NRG1: variants seen among roughly 807,000 people sequenced by gnomAD.
NRG1 encodes pro-neuregulin-1, membrane-bound isoform.
Under a neutral mutation model 63.8 loss-of-function variants are expected in NRG1, and 18 were observed. That is an observed-to-expected ratio of 0.28 (90% confidence interval 0.19 to 0.42). The LOEUF is 0.42. Ranked by LOEUF, NRG1 falls within the 10% of genes least tolerant of loss-of-function variation. The pLI is 1.00. For missense variants in NRG1, 762 were observed against 814.7 expected, an observed-to-expected ratio of 0.94 and a Z score of 0.79; for synonymous variants, 302 against 301.3, an observed-to-expected ratio of 1.00 and a Z score of -0.02.
downstream of NRG1, among the ~76,000 whole-genome samples, chr8:32,772,041 G>GTA (rs1157977487): frequency 0.043 from 442 of 10,348 alleles, 3 homozygotes; most frequent in Non-Finnish European, 0.077. Flanking sequence ...AAAAAAATAT[G>GTA]TATATATATA....
chr8:32,715,084 G>A (rs761684153), intron 5 of NRG1, among the ~76,000 whole-genome samples: 14 of 152,080 alleles, frequency 9.2e-5, no homozygotes, highest in South Asian at 2.1e-4. Context: ...AGTTTCCCAA[G>A]TAGCTGGGAC....
At chr8:32,311,960 C>G (rs1464108182) in intron 1 of NRG1, among the ~76,000 whole-genome samples, 2 of 152,060 alleles carry the variant, frequency 1.3e-5, no homozygotes, top group African/African-American at 4.8e-5. Flanking sequence ...TCTTTTTTCT[C>G]TATTTCATGG....
chr8:32,520,320 C>A (rs35362985), intron 1 of NRG1, among the ~76,000 whole-genome samples: 7,995 of 151,262 alleles, frequency 0.053, 285 homozygotes, highest in Middle Eastern at 0.086. Flanking sequence ...CCTTGTCCAG[C>A]TACTTTTTTT....
chr8:32,381,988 T>C (rs1246514057), intron 1 of NRG1, among the ~76,000 whole-genome samples: 3 of 152,216 alleles, frequency 2.0e-5, no homozygotes, highest in Admixed American at 2.0e-4. Context: ...AACTATTATA[T>C]GGTATTTTCA....
chr8:32,083,457 G>A (rs1827783262), intron 1 of NRG1, among the ~76,000 whole-genome samples: 1 of 152,122 alleles, frequency 6.6e-6, no homozygotes, highest in Non-Finnish European at 1.5e-5. Flanking sequence ...TAGGTAAAAT[G>A]AATGGTGGAT....
chr8:31,646,213 T>G (rs575240182), intron 1 of NRG1, among the ~76,000 whole-genome samples: 5 of 152,242 alleles, frequency 3.3e-5, no homozygotes, highest in Non-Finnish European at 7.3e-5. Context: ...GGCTCTGTCT[T>G]TGGACATCTG....
intron 1 of NRG1, among the ~76,000 whole-genome samples, chr8:31,686,460 A>C (rs1808902018): frequency 6.6e-6 from 1 of 152,184 alleles, no homozygotes; most frequent in South Asian, 2.1e-4. Context: ...GTTGTTAAGA[A>C]ACTAATGGTA....
chr8:31,840,357 T>TTTTTTC (rs1207476615), intron 1 of NRG1, among the ~76,000 whole-genome samples: 1 of 150,642 alleles, frequency 6.6e-6, no homozygotes, highest in Non-Finnish European at 1.5e-5. Context: ...GTCTTTTTTT[T>TTTTTTC]TTTTTTTTTG....
chr8:31,648,951 T>C (rs1358825704), intron 1 of NRG1, among the ~76,000 whole-genome samples: 1 of 131,618 alleles, frequency 7.6e-6, no homozygotes, highest in African/African-American at 2.7e-5. Flanking sequence ...TCTTTTTTCT[T>C]TTTTTCTTTT....
chr8:32,545,039 A>C (rs1832944118), upstream of NRG1, among the ~76,000 whole-genome samples: 1 of 152,234 alleles, frequency 6.6e-6, no homozygotes, highest in Admixed American at 6.5e-5. Context: ...GCAGAATTCT[A>C]AAGTCCCATT....
chr8:32,698,038 T>C (rs1201961385), intron 5 of NRG1, among the ~76,000 whole-genome samples: 1 of 151,966 alleles, frequency 6.6e-6, no homozygotes, highest in African/African-American at 2.4e-5. Context: ...AAATCTCATC[T>C]CTACTAAAAA....
intron 1 of NRG1, among the ~76,000 whole-genome samples, chr8:31,898,887 T>A (rs955620120): frequency 1.3e-5 from 2 of 152,124 alleles, no homozygotes; most frequent in Admixed American, 1.3e-4. Flanking sequence ...ATTCAATTCC[T>A]AAATTACTCC....
At chr8:32,033,261 T>C (rs1168339456) in intron 1 of NRG1, among the ~76,000 whole-genome samples, 1 of 151,906 alleles carries the variant, frequency 6.6e-6, no homozygotes, top group Non-Finnish European at 1.5e-5. Context: ...TGCCTGGAGA[T>C]GTGCAGTCTT....
intron 1 of NRG1, among the ~76,000 whole-genome samples, chr8:32,125,474 T>C (rs145836272): frequency 1.3e-4 from 20 of 152,052 alleles, no homozygotes; most frequent in Admixed American, 5.9e-4. Flanking sequence ...TATGCATAGA[T>C]CATAAAAGTT....
chr8:31,957,107 C>T (rs988890556), intron 1 of NRG1, among the ~76,000 whole-genome samples: 8 of 151,582 alleles, frequency 5.3e-5, no homozygotes, highest in Admixed American at 2.0e-4. Flanking sequence ...TGTCAAATGC[C>T]GTAATGTTCT....
In NRG1 at chr8:31,969,485, G is replaced by A. The variant is rs372323474; in HGVS notation, c.37+330054G>A. Among the ~76,000 whole-genome samples the A allele has an allele frequency of 5.3e-5, 8 of 152,206 alleles. No individual in the cohort carries two copies. The South Asian group carries it at 1.2e-3, about 24-fold the overall frequency. On this transcript the variant is annotated intron_variant, in intron 1 of 10. Transcript: ENST00000519301. ...AAATCCTGGAATGTTTGATACTAAT[G>A]ATCTCAGAAGGGGCCCTGCCTGATC...
intron 1 of NRG1, among the ~76,000 whole-genome samples, chr8:32,310,873 CTGTTTCA>C (rs1396891317): frequency 1.3e-5 from 2 of 152,164 alleles, no homozygotes; most frequent in Non-Finnish European, 2.9e-5. Context: ...CACATGCTTG[CTGTTTCA>C]TGTTTCATGT....
chr8:32,524,777 T>G (rs1830663459), intron 1 of NRG1, among the ~76,000 whole-genome samples: 1 of 152,208 alleles, frequency 6.6e-6, no homozygotes, highest in Non-Finnish European at 1.5e-5. Context: ...TTTGTTCTTG[T>G]GTCATCCCAG....
chr8:31,915,641 A>T (rs1833319298), intron 1 of NRG1, among the ~76,000 whole-genome samples: 1 of 152,276 alleles, frequency 6.6e-6, no homozygotes, highest in Admixed American at 6.5e-5. Flanking sequence ...AAAAGTACAC[A>T]GAATTCATCT....
Sources: gnomAD v4.1 joint callset for allele counts (sites outside exome capture counted in the v4.1 genomes callset) on GRCh38, gnomAD v4.1.1 for gene constraint, MANE v1.5 for transcripts, NCBI Gene and HGNC (gene_info 2026-07-23, HGNC 2026-07-21) for gene names.